Variants in COP1 observed in about 807,000 individuals in gnomAD.
COP1 encodes E3 ubiquitin-protein ligase COP1.
COP1 carries 24 observed loss-of-function variants against 101.3 expected under a neutral mutation model. The observed-to-expected ratio is 0.24, with a 90% CI of 0.17 to 0.33. The LOEUF is 0.33. COP1 is among the 10% of genes least tolerant of loss of function. The pLI is 1.00. For synonymous variants in COP1, 347 were observed against 341.9 expected (o/e 1.01, Z -0.17); for missense variants, 663 against 906.2 (o/e 0.73, Z 3.45).
intron 15 of COP1, among the ~76,000 whole-genome samples, chr1:176,008,751 T>C (rs1158831393): frequency 6.6e-6 from 1 of 152,210 alleles, no homozygotes; most frequent in Non-Finnish European, 1.5e-5. Context: ...TGTTGCTGTT[T>C]GTGGTTTAAT....
At chr1:176,001,325 C>T (rs566706006) in intron 15 of COP1, among the ~76,000 whole-genome samples, 2 of 152,226 alleles carry the variant, frequency 1.3e-5, no homozygotes, top group East Asian at 3.9e-4. Context: ...ACGATGTTAA[C>T]ATCATGCATA....
At chr1:176,006,018 G>T (rs185602946) in intron 15 of COP1, among the ~76,000 whole-genome samples, 2 of 152,340 alleles carry the variant, frequency 1.3e-5, no homozygotes, top group African/African-American at 4.8e-5. Context: ...CTTGCTTTAT[G>T]AGTCTGGGTG....
At chr1:176,047,015 T>C (rs1671637269) in intron 11 of COP1, among the ~76,000 whole-genome samples, 2 of 152,180 alleles carry the variant, frequency 1.3e-5, no homozygotes, top group Non-Finnish European at 2.9e-5. Flanking sequence ...CTGATCATTT[T>C]TATATAAGCT....
intron 8 of COP1, among the ~76,000 whole-genome samples, chr1:176,127,178 T>C (rs1029993658): frequency 6.6e-6 from 1 of 152,188 alleles, no homozygotes; most frequent in African/African-American, 2.4e-5. Flanking sequence ...GAGTATAGCA[T>C]ATCCACCACC....
intron 6 of COP1, among the ~76,000 whole-genome samples, chr1:176,145,725 T>C (rs76291782): frequency 0.078 from 11,808 of 151,942 alleles, 1,245 homozygotes; most frequent in African/African-American, 0.25. Context: ...CCGAAGAAGA[T>C]AGGAATAAAA....
chr1:176,195,657 G>A (rs1328085364), intron 1 of COP1, among the ~76,000 whole-genome samples: 2 of 152,118 alleles, frequency 1.3e-5, no homozygotes, highest in Non-Finnish European at 2.9e-5. Flanking sequence ...ATCAGACATA[G>A]AATGATACCC....
intron 15 of COP1, among the ~76,000 whole-genome samples, chr1:175,994,759 C>A (rs1046130771): frequency 6.6e-6 from 1 of 152,162 alleles, no homozygotes; most frequent in Non-Finnish European, 1.5e-5. Context: ...TCCTGAGTGA[C>A]CTACAAAGAG....
Position 176,206,852 on chromosome 1 carries a change from A to T in COP1, c.127T>A (p.Ser43Thr). 2.1e-6 allele frequency: 3 copies of T among 1,433,868 alleles called. No individual in the cohort carries two copies. Among genetic ancestry groups the T allele is most frequent in the Non-Finnish European group, 2.7e-6 (3 of 1,099,318 alleles). 88.8% of individuals were successfully genotyped at this position (1,433,868 alleles called of 1,614,324 possible). A position where few individuals can be genotyped will look rare whatever the true frequency, so the allele number is the denominator to read the frequency against. The change falls in exon 1 of 20, where the codon TCG (serine) becomes ACG (threonine). Residue 43 changes from serine to threonine, a missense_variant. Physicochemically the swap from Ser to Thr is moderately conservative, Grantham distance 58. Coordinates refer to ENST00000367669, the MANE Select transcript of COP1 (RefSeq NM_022457.7). ...SSPSPPSVAV[S>T]AAALVSGGVA... is the part of the protein sequence containing the mutation. ...CCGCCGGACACCAGCGCTGCCGCCGAAACCGCCACGGAAGGCGGCGACGGG... is the reference window on the plus strand; with the variant it reads ...CCGCCGGACACCAGCGCTGCCGCCGTAACCGCCACGGAAGGCGGCGACGGG...
intron 11 of COP1, among the ~76,000 whole-genome samples, chr1:176,069,729 C>T (rs1676643172): frequency 2.0e-5 from 3 of 152,332 alleles, no homozygotes; most frequent in South Asian, 4.1e-4. Flanking sequence ...CATCCACTCT[C>T]TTCTTGTTTC....
chr1:176,050,353 G>A (rs904999089), intron 11 of COP1, among the ~76,000 whole-genome samples: 2 of 152,194 alleles, frequency 1.3e-5, no homozygotes, highest in Non-Finnish European at 2.9e-5. Flanking sequence ...AGCAATGAAA[G>A]CCGTCAATAA....
intron 10 of COP1, among the ~76,000 whole-genome samples, chr1:176,085,416 T>C (rs917422088): frequency 1.3e-5 from 2 of 152,214 alleles, no homozygotes; most frequent in African/African-American, 4.8e-5. Context: ...ACCAGTTCTT[T>C]CATCTTTTTA....
chr1:175,965,370 C>T (rs570782349), intron 18 of COP1, among the ~76,000 whole-genome samples: 6 of 152,248 alleles, frequency 3.9e-5, no homozygotes, highest in East Asian at 1.9e-4. Context: ...CTTTGTTCAA[C>T]GCCTTGTTAA....
chr1:176,169,560 G>A (rs61821034), intron 3 of COP1, among the ~76,000 whole-genome samples: 16 of 152,058 alleles, frequency 1.1e-4, no homozygotes, highest in Non-Finnish European at 2.2e-4. Flanking sequence ...ACGCTATACC[G>A]TAGTTTAAGT....
chr1:175,990,797 T>C (rs544339701), intron 15 of COP1, among the ~76,000 whole-genome samples: 81 of 152,124 alleles, frequency 5.3e-4, no homozygotes, highest in Non-Finnish European at 1.0e-3. Flanking sequence ...CTACCATTTT[T>C]CTTGACTACT....
At chr1:176,149,797 TAATCTGATAAA>T (rs1407282386) in intron 5 of COP1, among the ~76,000 whole-genome samples, 1 of 152,028 alleles carries the variant, frequency 6.6e-6, no homozygotes, top group Non-Finnish European at 1.5e-5. Context: ...AATTCCAGGT[TAATCTGATAAA>T]AATATATAAA....
At chr1:176,002,628 T>C (rs1027468207) in intron 15 of COP1, among the ~76,000 whole-genome samples, 6 of 146,958 alleles carry the variant, frequency 4.1e-5, no homozygotes, top group African/African-American at 1.3e-4. Flanking sequence ...GTTCTTGTGA[T>C]AGTTTACTGA....
intron 15 of COP1, among the ~76,000 whole-genome samples, chr1:176,015,890 G>A (rs868266003): frequency 1.3e-5 from 2 of 152,272 alleles, no homozygotes; most frequent in Middle Eastern, 6.8e-3. Flanking sequence ...GGTAGAAAAG[G>A]AGCCAGAAAA....
chr1:176,087,115 G>A (rs12129466), intron 9 of COP1, among the ~76,000 whole-genome samples: 10,578 of 152,076 alleles, frequency 0.07, 461 homozygotes, highest in Non-Finnish European at 0.087. Flanking sequence ...AATTTAAGAT[G>A]GATTAAAGAC....
intron 11 of COP1, among the ~76,000 whole-genome samples, chr1:176,056,395 C>CCA (rs1255675058): frequency 6.6e-6 from 1 of 151,854 alleles, no homozygotes; most frequent in African/African-American, 2.4e-5. Flanking sequence ...AAGTCTCATA[C>CCA]CACTAAATGT....
Sources: gnomAD v4.1 joint callset for allele counts (sites outside exome capture counted in the v4.1 genomes callset) on GRCh38, gnomAD v4.1.1 for gene constraint, MANE v1.5 for transcripts, NCBI Gene and HGNC (gene_info 2026-07-23, HGNC 2026-07-21) for gene names.